The following ABCB9 variants were observed in gnomAD, a reference collection of about 807,000 sequenced individuals.
ABCB9 encodes ABC-type oligopeptide transporter ABCB9.
In ABCB9, 36 loss-of-function variants were observed where a neutral mutation model predicts 62.0. The ratio of observed to expected loss-of-function variants is 0.58; its 90% CI spans 0.45 to 0.77. The LOEUF (loss-of-function observed/expected upper bound fraction) is 0.77. ABCB9 is among the 30% of genes least tolerant of loss of function. ABCB9 has a pLI of 0.00. For missense variants in ABCB9, 943 were observed against 1,054.7 expected (o/e 0.89, Z 1.47); for synonymous variants, 435 against 461.4 (o/e 0.94, Z 0.73).
In ABCB9 at chr12:122,948,669, G is replaced by GA. The variant is rs1381573223; in HGVS notation, c.1007dup (p.Ile338HisfsTer47). On this transcript the variant is annotated frameshift_variant, in exon 5 of 12. Coordinates refer to ENST00000280560, the MANE Select transcript of ABCB9 (RefSeq NM_019625.4). LOFTEE classifies it high-confidence loss of function. ...TGTTGGACACCATCATGATGATGGG[G>GA]AAGCCCATGAAGGTGACCAAGGAGA... is the stretch of plus-strand genomic sequence containing the variant. The GA allele has an allele frequency of 1.6e-5, 26 of 1,613,946 alleles. No individual in the cohort carries two copies. Among genetic ancestry groups the GA allele is most frequent in the Non-Finnish European group, 2.2e-5 (26 of 1,179,910 alleles).
intron 2 of ABCB9, chr12:122,951,329 A>G (rs542524573): frequency 6.8e-6 from 1 of 146,094 alleles, no homozygotes; most frequent in Non-Finnish European, 1.5e-5. Flanking sequence ...GGCTCAGTGG[A>G]TCTTCCCACC....
downstream of ABCB9, among the ~76,000 whole-genome samples, chr12:122,927,075 G>A (rs2343106): frequency 0.025 from 3,733 of 152,262 alleles, 69 homozygotes; most frequent in South Asian, 0.045. Flanking sequence ...CCCCAGTACT[G>A]TGGGATTTTA....
At position 122,932,012 on chromosome 12, in the gene ABCB9, G is replaced by T; in HGVS notation, c.2040+180C>A. On this transcript the variant is annotated intron_variant, in intron 11 of 11. Coordinates refer to ENST00000280560, the MANE Select transcript of ABCB9 (RefSeq NM_019625.4). This position sits in a 1 kb window ranked among gnomAD's most constrained non-coding sequence, Gnocchi z 4.7. ...AGCTCTGCCTGGAGCCTGGAGGCTG[G>T]GTCCAGAGTGGCTCCTGGCTCCCCA... 9.3e-7 allele frequency: 1 copy of T among 1,078,468 alleles called. No homozygotes were observed. The highest frequency in any genetic ancestry group is 1.3e-6 in the Non-Finnish European group (1 of 751,872). 66.8% of individuals were successfully genotyped at this position (1,078,468 alleles called of 1,614,324 possible). A position where few individuals can be genotyped will look rare whatever the true frequency, so the allele number is the denominator to read the frequency against.
In ABCB9 at chr12:122,932,349, G is replaced by A. The variant is rs1331049278; in HGVS notation, c.1904-21C>T. 1 of 1,543,188 alleles carries A rather than the reference G, an allele frequency of 6.5e-7. No homozygotes were observed. The highest frequency in any genetic ancestry group is 2.5e-5 in the East Asian group (1 of 40,742). On this transcript the variant is annotated intron_variant, in intron 10 of 11. Transcript: ENST00000280560. The surrounding 1 kb of genome is among the most constrained non-coding windows in gnomAD (Gnocchi z 4.7). ...TGTCTCTGTATGGTGGAGGCACAGA[G>A]ACAATTTAGCAATGGGTGAGGCCGG...
At chr12:122,971,283 A>G (rs1368917037), upstream of ABCB9, among the ~76,000 whole-genome samples, 3 of 148,950 alleles carry the variant, frequency 2.0e-5, no homozygotes, top group East Asian at 6.3e-4. Flanking sequence ...GCTACTCAGG[A>G]GGCTGAGGCA....
At chr12:122,942,409 G>A (rs931202826) in intron 7 of ABCB9, among the ~76,000 whole-genome samples, 3 of 151,082 alleles carry the variant, frequency 2.0e-5, no homozygotes, top group Non-Finnish European at 4.4e-5. Context: ...CCAACATGGT[G>A]CAACCCCATT....
intron 2 of ABCB9, among the ~76,000 whole-genome samples, chr12:122,953,338 A>G (rs1566185493): frequency 6.6e-6 from 1 of 150,656 alleles, no homozygotes; most frequent in African/African-American, 2.4e-5. Context: ...TCAGCCTCCC[A>G]AGTAGCTGAG....
intron 7 of ABCB9, among the ~76,000 whole-genome samples, chr12:122,941,310 C>T (rs77745126): frequency 4.3e-5 from 6 of 138,988 alleles, no homozygotes; most frequent in Middle Eastern, 3.7e-3. Flanking sequence ...GATAGCATAG[C>T]TTTTTTTTTT....
chr12:122,940,992 C>T lies in ABCB9; in HGVS notation c.1384G>A (p.Val462Met), dbSNP rs944007067. ...EFVLGDCMES[V>M]GSVYSGLMQG... ...ATCAGGCCACTGTAGACGGAGCCCACGGACTGGGGAGAGGAGACACGCGTT... is the reference window on the plus strand; with the variant it reads ...ATCAGGCCACTGTAGACGGAGCCCATGGACTGGGGAGAGGAGACACGCGTT... Residue 462 changes from valine to methionine, a missense_variant, in exon 8 of 12, where the codon GTG (valine) becomes ATG (methionine). Coordinates refer to ENST00000280560, the MANE Select transcript of ABCB9 (RefSeq NM_019625.4). The surrounding 1 kb of genome is among the most constrained non-coding windows in gnomAD (Gnocchi z 4.8). 52 of 1,596,898 alleles carry T rather than the reference C, an allele frequency of 3.3e-5. No homozygotes were observed. The highest frequency in any genetic ancestry group is 4.0e-5 in the Non-Finnish European group (47 of 1,167,994).
At chr12:122,949,651 C>T (rs951564916) in intron 4 of ABCB9, 137 bp downstream of exon 4, 6 of 1,209,976 alleles carry the variant, frequency 5.0e-6, no homozygotes, top group Non-Finnish European at 6.9e-6. Context: ...CCAGGGTGTT[C>T]CCAGCCTGAA....
downstream of ABCB9, among the ~76,000 whole-genome samples, chr12:122,919,881 G>GTTTATTTTTTATTTATTTA (rs1555268632): frequency 7.2e-6 from 1 of 138,814 alleles, no homozygotes; most frequent in African/African-American, 2.9e-5. Context: ...CTGTTTGTTT[G>GTTTATTTTTTATTTATTTA]TTTATTTATT....
chr12:122,934,107 G>A (rs1487028158), intron 10 of ABCB9, among the ~76,000 whole-genome samples: 1 of 152,110 alleles, frequency 6.6e-6, no homozygotes, highest in Non-Finnish European at 1.5e-5. Context: ...AATTAGCAAG[G>A]TGTGGTGGTG....
chr12:122,960,607 T>C (rs1192170226), intron 1 of ABCB9, among the ~76,000 whole-genome samples: 1 of 151,706 alleles, frequency 6.6e-6, no homozygotes, highest in African/African-American at 2.4e-5. Flanking sequence ...AATAAGGAAA[T>C]GGGCTCACGC....
At position 122,929,537 on chromosome 12, in the gene ABCB9, A is replaced by C. The variant is rs2035027418; in HGVS notation, c.*374T>G. 1 of 1,027,474 alleles carries C rather than the reference A, an allele frequency of 9.7e-7. No homozygotes were observed. The highest frequency in any genetic ancestry group is 1.7e-5 in the African/African-American group (1 of 59,046). The allele number at this position is 1,027,474 out of a possible 1,614,324, so 63.6% of individuals were successfully genotyped here. ...CACTCCTGGCTCAGAAGTTTCTAGA[A>C]CATCTTGGTGAAAGTGCCCGCCATT... On this transcript the variant is annotated 3_prime_UTR_variant, in exon 12 of 12. Coordinates refer to ENST00000280560, the MANE Select transcript of ABCB9 (RefSeq NM_019625.4). The surrounding 1 kb of genome is among the most constrained non-coding windows in gnomAD (Gnocchi z 6.0).
exon 1 of ABCB9, chr12:122,975,077 A>T: frequency 2.1e-6 from 1 of 484,984 alleles, no homozygotes; most frequent in Non-Finnish European, 3.7e-6. Flanking sequence ...GCCGGTCCCA[A>T]CCCGGCCCAG....
At chr12:122,961,941 C>A (rs374472336) in intron 1 of ABCB9, among the ~76,000 whole-genome samples, 1 of 152,206 alleles carries the variant, frequency 6.6e-6, no homozygotes, top group African/African-American at 2.4e-5. Flanking sequence ...CCACGTCAGG[C>A]CTTCTATCTC....
rs143087795 is a variant in ABCB9 at position 122,941,395 on chromosome 12, C to T, written c.1381-400G>A. On this transcript the variant is annotated intron_variant, in intron 7 of 11. Coordinates refer to ENST00000280560, the MANE Select transcript of ABCB9 (RefSeq NM_019625.4). ...TGCAATCTTGGCTCACTGCACCCTC[C>T]GCCTCCCAAGTCAAGTGATTCTCCT... is the stretch of plus-strand genomic sequence containing the variant. Among the ~76,000 whole-genome samples, 38 of 151,566 alleles carry T rather than the reference C, an allele frequency of 2.5e-4. No homozygotes were observed. In the East Asian group the frequency reaches 4.3e-3, roughly 17 times the overall value.
At chr12:122,926,070 C>T (rs1010116108), downstream of ABCB9, among the ~76,000 whole-genome samples, 11 of 152,072 alleles carry the variant, frequency 7.2e-5, no homozygotes, top group African/African-American at 2.7e-4. Flanking sequence ...ATGCTGGCGG[C>T]CAGGGGCTGT....
chr12:122,968,966 A>G (rs2037240292), upstream of ABCB9, among the ~76,000 whole-genome samples: 1 of 152,030 alleles, frequency 6.6e-6, no homozygotes, highest in Non-Finnish European at 1.5e-5. Context: ...GGCTTCTCAA[A>G]TCCTGGCCAC....
Sources: gnomAD v4.1 joint callset for allele counts (sites outside exome capture counted in the v4.1 genomes callset) on GRCh38, gnomAD v4.1.1 for gene constraint, Gnocchi (gnomAD v3.1) non-coding constraint, MANE v1.5 for transcripts, NCBI Gene and HGNC (gene_info 2026-07-23, HGNC 2026-07-21) for gene names.